TAFA2: variants seen among roughly 807,000 people sequenced by gnomAD.
TAFA2 encodes the protein chemokine-like protein TAFA-2.
A neutral mutation model predicts 18.8 loss-of-function variants in TAFA2; 7 were observed. The observed-to-expected ratio is 0.37, with a 90% CI of 0.21 to 0.70. TAFA2 has a LOEUF of 0.70. TAFA2 is among the 30% of genes least tolerant of loss of function. The probability of loss-of-function intolerance (pLI) is 0.53; values close to 1 mark genes in which losing one functional copy is unlikely to be tolerated. For synonymous variants in TAFA2, 60 were observed against 54.2 expected, an observed-to-expected ratio of 1.11 and a Z score of -0.47; for missense variants, 122 against 158.1, an observed-to-expected ratio of 0.77 and a Z score of 1.23.
At chr12:61,892,853 T>C (rs1369478935) in intron 1 of TAFA2, among the ~76,000 whole-genome samples, 1 of 152,184 alleles carries the variant, frequency 6.6e-6, no homozygotes, top group Non-Finnish European at 1.5e-5. Flanking sequence ...AATAATAAAG[T>C]ATGTCCTAAT....
intron 1 of TAFA2, among the ~76,000 whole-genome samples, chr12:62,145,898 G>GA (rs1362747929): frequency 2.6e-5 from 4 of 152,204 alleles, no homozygotes; most frequent in Admixed American, 6.5e-5. Flanking sequence ...TGCTGTTGGC[G>GA]ATACCCCCTT....
chr12:62,240,910 C>T (rs1465344369), intron 1 of TAFA2, among the ~76,000 whole-genome samples: 3 of 152,124 alleles, frequency 2.0e-5, no homozygotes, highest in Admixed American at 6.5e-5. Flanking sequence ...TTGCATGCCC[C>T]TTATGAGAAT....
At chr12:61,784,624 A>C (rs1870648424) in intron 2 of TAFA2, among the ~76,000 whole-genome samples, 1 of 151,456 alleles carries the variant, frequency 6.6e-6, no homozygotes, top group Non-Finnish European at 1.5e-5. Context: ...AAAACAACAA[A>C]GGTAGAAATT....
chr12:61,743,979 G>A (rs978041208), intron 4 of TAFA2, among the ~76,000 whole-genome samples: 5 of 151,998 alleles, frequency 3.3e-5, no homozygotes, highest in South Asian at 2.1e-4. Flanking sequence ...CAAGTCCTAC[G>A]AGGTGCCATT....
At chr12:62,181,999 C>CCCG (rs548525246) in intron 1 of TAFA2, among the ~76,000 whole-genome samples, 3 of 150,282 alleles carry the variant, frequency 2.0e-5, no homozygotes, top group Non-Finnish European at 3.0e-5. Context: ...ATCCCCCCCC[C>CCCG]GCTACACATA....
At chr12:61,798,437 A>G (rs1871277413) in intron 2 of TAFA2, among the ~76,000 whole-genome samples, 1 of 152,272 alleles carries the variant, frequency 6.6e-6, no homozygotes, top group African/African-American at 2.4e-5. Flanking sequence ...TTTTTAGTGT[A>G]CACTTCAGTG....
In TAFA2 at chr12:62,148,218, C is replaced by T. The variant is rs1390805762; in HGVS notation, c.-2+43041G>A. Among the ~76,000 whole-genome samples, 4 of 152,150 alleles carry T rather than the reference C, an allele frequency of 2.6e-5. No individual in the cohort carries two copies. In the East Asian group the frequency reaches 7.7e-4, roughly 29 times the overall value. On this transcript the variant is annotated intron_variant, in intron 1 of 4. Transcript: ENST00000416284. ...CCAGCAATCCCAAAGGAAAATAAGT[C>T]ATTCTACCAAAAATACACTTGCACT... is the stretch of plus-strand genomic sequence containing the variant.
At chr12:61,839,213 G>C (rs116844519) in intron 2 of TAFA2, among the ~76,000 whole-genome samples, 134 of 152,200 alleles carry the variant, frequency 8.8e-4, no homozygotes, top group South Asian at 2.7e-3. Flanking sequence ...CAAAGATGCA[G>C]ATGAACTTGT....
intron 1 of TAFA2, among the ~76,000 whole-genome samples, chr12:62,104,428 T>C (rs1480394728): frequency 6.6e-6 from 1 of 152,204 alleles, no homozygotes; most frequent in East Asian, 1.9e-4. Context: ...CTGGTCAAAG[T>C]GTTACTTTTT....
chr12:61,760,075 C>CTTTT (rs35014156), intron 2 of TAFA2, among the ~76,000 whole-genome samples: 13 of 137,746 alleles, frequency 9.4e-5, no homozygotes, highest in African/African-American at 2.4e-4. Flanking sequence ...CTGCCCAGTG[C>CTTTT]TTTTTTTTTT....
intron 2 of TAFA2, among the ~76,000 whole-genome samples, chr12:61,814,891 G>A (rs1872014642): frequency 6.6e-6 from 1 of 151,432 alleles, no homozygotes; most frequent in African/African-American, 2.5e-5. Flanking sequence ...GCTTCTAAAA[G>A]CTAAAAAGGA....
chr12:61,994,488 A>G (rs1880117387), intron 1 of TAFA2, among the ~76,000 whole-genome samples: 1 of 152,016 alleles, frequency 6.6e-6, no homozygotes, highest in African/African-American at 2.4e-5. Context: ...AAAATATCCC[A>G]CCTTAAGGTA....
intron 2 of TAFA2, among the ~76,000 whole-genome samples, chr12:61,812,536 C>T (rs185743092): frequency 6.0e-5 from 9 of 151,030 alleles, no homozygotes; most frequent in Middle Eastern, 3.4e-3. Flanking sequence ...TGACATCCCC[C>T]GAACATGAAC....
At chr12:62,230,370 C>T (rs1240713162) in intron 1 of TAFA2, among the ~76,000 whole-genome samples, 1 of 151,900 alleles carries the variant, frequency 6.6e-6, no homozygotes, top group African/African-American at 2.4e-5. Flanking sequence ...CCTCTTAGTA[C>T]TGCTTTTACT....
intron 1 of TAFA2, among the ~76,000 whole-genome samples, chr12:62,245,241 C>A (rs763801331): frequency 1.1e-4 from 16 of 152,010 alleles, no homozygotes; most frequent in Non-Finnish European, 1.9e-4. Flanking sequence ...AATAGTGCAA[C>A]ATTTCTCCAT....
intron 2 of TAFA2, among the ~76,000 whole-genome samples, chr12:61,860,669 C>T (rs1874089405): frequency 6.6e-6 from 1 of 152,176 alleles, no homozygotes; most frequent in Non-Finnish European, 1.5e-5. Context: ...TTCTTTGTTT[C>T]ATGTCTCAGT....
intron 2 of TAFA2, among the ~76,000 whole-genome samples, chr12:61,830,376 C>T (rs751048200): frequency 1.5e-4 from 22 of 150,788 alleles, no homozygotes; most frequent in Non-Finnish European, 2.8e-4. Flanking sequence ...TACATATATA[C>T]ATATATGTAT....
chr12:61,762,650 T>TATATAC (rs1460042477), intron 2 of TAFA2, among the ~76,000 whole-genome samples: 2 of 150,256 alleles, frequency 1.3e-5, no homozygotes, highest in African/African-American at 2.4e-5. Context: ...TATATATATA[T>TATATAC]ACATACACAT....
intron 4 of TAFA2, among the ~76,000 whole-genome samples, chr12:61,745,203 T>C (rs1226926139): frequency 6.6e-6 from 1 of 152,156 alleles, no homozygotes; most frequent in African/African-American, 2.4e-5. Flanking sequence ...TAGTTATTAA[T>C]GTAAAACATA....
Sources: allele counts gnomAD v4.1 joint callset (sites outside exome capture counted in the v4.1 genomes callset), GRCh38; gene constraint gnomAD v4.1.1; transcripts MANE v1.5; gene names NCBI Gene and HGNC (gene_info 2026-07-23, HGNC 2026-07-21).